PALS2: variants seen among roughly 807,000 people sequenced by gnomAD.
The protein encoded by PALS2 is protein PALS2.
PALS2 carries 27 observed loss-of-function variants against 61.6 expected under a neutral mutation model. That is an observed-to-expected ratio of 0.44 (90% CI 0.32 to 0.60). PALS2 has a LOEUF of 0.60. Among genes scored for constraint, PALS2 ranks in the 20% least tolerant of loss-of-function variants. The pLI, the probability that PALS2 is intolerant of heterozygous loss-of-function variation, is 0.05. For missense variants in PALS2, 554 were observed against 639.4 expected (o/e 0.87, Z 1.44); for synonymous variants, 236 against 218.6 (o/e 1.08, Z -0.70).
intron 11 of PALS2, among the ~76,000 whole-genome samples, chr7:24,686,397 C>T (rs6949566): frequency 0.22 from 33,979 of 151,910 alleles, 5,473 homozygotes; most frequent in East Asian, 0.66. Context: ...GTTTCCCAAC[C>T]CTTCACCCAT....
chr7:24,651,025 T>C (rs1281607630), intron 5 of PALS2, among the ~76,000 whole-genome samples: 1 of 152,134 alleles, frequency 6.6e-6, no homozygotes, highest in East Asian at 1.9e-4. Context: ...ACAGCTGTTA[T>C]GTTCAGGCAT....
At chr7:24,603,319 A>G (rs562560390) in intron 1 of PALS2, among the ~76,000 whole-genome samples, 2 of 152,334 alleles carry the variant, frequency 1.3e-5, no homozygotes, top group Admixed American at 1.3e-4. Flanking sequence ...GAAGAAAGAG[A>G]AGACACACAA....
chr7:24,642,502 G>A (rs1250959202), intron 3 of PALS2, among the ~76,000 whole-genome samples: 1 of 152,082 alleles, frequency 6.6e-6, no homozygotes, highest in Non-Finnish European at 1.5e-5. Context: ...TGAAAAGAAT[G>A]GAAATCCCCG....
At position 24,691,313 on chromosome 7, in the gene PALS2, A is replaced by G. The variant is rs1278585119; in HGVS notation, c.*3699A>G. On this transcript the variant is annotated 3_prime_UTR_variant, in exon 12 of 12. Coordinates refer to ENST00000222644, the MANE Select transcript of PALS2 (RefSeq NM_001303037.2). ...TAGTAATGAACCTTAACTAAACATG[A>G]AAAAGGCAATCCTGAAGTTTTATGT... 1.3e-5 allele frequency: 2 copies of G among 151,036 alleles called. No homozygotes were observed. Among genetic ancestry groups the G allele is most frequent in the African/African-American group, 4.8e-5 (2 of 41,258 alleles). The allele number at this position is 151,036 out of a possible 1,614,324, so 9.4% of individuals were successfully genotyped here.
chr7:24,622,349 AT>A (rs1361834948), intron 1 of PALS2, among the ~76,000 whole-genome samples: 1 of 151,954 alleles, frequency 6.6e-6, no homozygotes, highest in Non-Finnish European at 1.5e-5. Flanking sequence ...TCTTTCAATG[AT>A]GTTTTATAGT....
intron 1 of PALS2, among the ~76,000 whole-genome samples, chr7:24,608,724 C>A (rs1279875695): frequency 6.6e-6 from 1 of 152,142 alleles, no homozygotes. Context: ...GTCTCAGCCT[C>A]CCAAGTATCT....
intron 1 of PALS2, among the ~76,000 whole-genome samples, chr7:24,602,241 A>T (rs1783745708): frequency 6.6e-6 from 1 of 151,934 alleles, no homozygotes; most frequent in African/African-American, 2.4e-5. Flanking sequence ...TTTCATGAGT[A>T]TGATATTCTT....
chr7:24,648,603 T>A (rs1190492817), intron 3 of PALS2, among the ~76,000 whole-genome samples: 3 of 152,114 alleles, frequency 2.0e-5, no homozygotes, highest in African/African-American at 7.2e-5. Context: ...CTAAAAATTA[T>A]TCTTTTAGGA....
At chr7:24,668,352 T>C (rs1316185821) in intron 8 of PALS2, 147 bp from the exon 9 acceptor site, 3 of 689,488 alleles carry the variant, frequency 4.4e-6, no homozygotes, top group South Asian at 4.8e-5. Context: ...CTTTACCAAA[T>C]TTGTAAAAAC....
At position 24,694,018 on chromosome 7, in the gene PALS2, G is replaced by A. The variant is rs1194859652; in HGVS notation, c.*6404G>A. ...GAATCTTTAAAAAAAAAAATGGAGG[G>A]CAGAATGCTTGTTAGCAATCTGAAA... is the stretch of plus-strand genomic sequence containing the variant. On this transcript the variant is annotated 3_prime_UTR_variant, in exon 12 of 12. Transcript: ENST00000222644. 6.6e-6 allele frequency: 1 copy of A among 151,982 alleles called. No homozygotes were observed. Among genetic ancestry groups the A allele is most frequent in the East Asian group, 1.9e-4 (1 of 5,198 alleles). The allele number at this position is 151,982 out of a possible 1,614,324, so 9.4% of individuals were successfully genotyped here. A position where few individuals can be genotyped will look rare whatever the true frequency, so the allele number is the denominator to read the frequency against.
rs1788566699 is a variant in PALS2, at chr7:24,693,418, CTCA to C, written c.*5807_*5809del. On this transcript the variant is annotated 3_prime_UTR_variant, in exon 12 of 12. Transcript: ENST00000222644. Reference sequence around the variant, plus strand: ...TTAACTAAAACAGGAAAAAAGCATACTCATCTGATGTAAAAACTCATCAGCTGT... The same window carrying C: ...TTAACTAAAACAGGAAAAAAGCATACTCTGATGTAAAAACTCATCAGCTGT... 1.3e-5 allele frequency: 2 copies of C among 152,130 alleles called. No homozygotes were observed. Among genetic ancestry groups the C allele is most frequent in the Non-Finnish European group, 2.9e-5 (2 of 68,000 alleles). 9.4% of individuals were successfully genotyped at this position (152,130 alleles called of 1,614,324 possible). A position where few individuals can be genotyped will look rare whatever the true frequency, so the allele number is the denominator to read the frequency against.
At chr7:24,654,078 A>G (rs550540946) in intron 5 of PALS2, among the ~76,000 whole-genome samples, 1 of 152,330 alleles carries the variant, frequency 6.6e-6, no homozygotes, top group African/African-American at 2.4e-5. Context: ...TGTTTTATAT[A>G]TGATAAAATG....
intron 9 of PALS2, among the ~76,000 whole-genome samples, chr7:24,673,369 G>T (rs1278568318): frequency 6.6e-6 from 1 of 152,098 alleles, no homozygotes; most frequent in Non-Finnish European, 1.5e-5. Flanking sequence ...CTCATTACTT[G>T]TGATGTCATT....
In PALS2 at chr7:24,691,728, ATTC is replaced by A. The variant is rs1788488835; in HGVS notation, c.*4117_*4119del. The A allele has an allele frequency of 6.6e-6, 1 of 151,940 alleles. No individual in the cohort carries two copies. Among genetic ancestry groups the A allele is most frequent in the Non-Finnish European group, 1.5e-5 (1 of 67,906 alleles). 9.4% of individuals were successfully genotyped at this position (151,940 alleles called of 1,614,324 possible). On this transcript the variant is annotated 3_prime_UTR_variant, in exon 12 of 12. Transcript: ENST00000222644. ...GTTCTGGATGGAAACCCCTTTGGAA[ATTC>A]TTATTTAAACTTTTGAATGAATCTT...
intron 9 of PALS2, among the ~76,000 whole-genome samples, chr7:24,670,656 C>T (rs1206354852): frequency 2.0e-5 from 3 of 152,186 alleles, no homozygotes; most frequent in Admixed American, 6.5e-5. Context: ...GCTGTTACAA[C>T]GTCTTCATCA....
At chr7:24,680,723 G>A (rs1460816545) in intron 11 of PALS2, among the ~76,000 whole-genome samples, 3 of 152,150 alleles carry the variant, frequency 2.0e-5, no homozygotes, top group Non-Finnish European at 4.4e-5. Context: ...AGCCTCCCAA[G>A]TAGCTGGGAT....
At chr7:24,602,167 T>G (rs1360018957) in intron 1 of PALS2, among the ~76,000 whole-genome samples, 1 of 152,138 alleles carries the variant, frequency 6.6e-6, no homozygotes, top group Non-Finnish European at 1.5e-5. Flanking sequence ...AATTTTTTCT[T>G]TCTGCTTTTG....
At chr7:24,626,509 G>A (rs914279201) in intron 2 of PALS2, among the ~76,000 whole-genome samples, 21 of 151,996 alleles carry the variant, frequency 1.4e-4, no homozygotes, top group African/African-American at 4.3e-4. Context: ...TTATAATGAC[G>A]GGATCAGATT....
chr7:24,581,244 CGTGTGTGT>C (rs55768123), intron 1 of PALS2, among the ~76,000 whole-genome samples: 16,643 of 143,008 alleles, frequency 0.12, 1,100 homozygotes, highest in African/African-American at 0.18. Context: ...CATTTCCCCA[CGTGTGTGT>C]GTGTGTGTGT....
Sources: allele counts gnomAD v4.1 joint callset (sites outside exome capture counted in the v4.1 genomes callset), GRCh38; gene constraint gnomAD v4.1.1; transcripts MANE v1.5; gene names NCBI Gene and HGNC (gene_info 2026-07-23, HGNC 2026-07-21).